Variants in FBXL17 observed in about 807,000 individuals in gnomAD.
FBXL17 encodes the protein F-box/LRR-repeat protein 17.
Under a neutral mutation model 66.2 loss-of-function variants are expected in FBXL17, and 22 were observed. The ratio of observed to expected loss-of-function variants is 0.33; its 90% confidence interval spans 0.24 to 0.47. FBXL17 has a LOEUF of 0.47. Among genes scored for constraint, FBXL17 ranks in the 20% least tolerant of loss-of-function variants. FBXL17 has a pLI of 1.00. For synonymous variants in FBXL17, 474 were observed against 400.5 expected, an observed-to-expected ratio of 1.18 and a Z score of -2.19; for missense variants, 878 against 948.2, an observed-to-expected ratio of 0.93 and a Z score of 0.97.
At chr5:108,198,162 G>T (rs1274389183) in intron 5 of FBXL17, among the ~76,000 whole-genome samples, 1 of 152,060 alleles carries the variant, frequency 6.6e-6, no homozygotes, top group Non-Finnish European at 1.5e-5. Flanking sequence ...TGTAGAAGAG[G>T]TTTACTGCAT....
At chr5:107,966,014 C>T (rs1752124739) in intron 7 of FBXL17, among the ~76,000 whole-genome samples, 2 of 152,022 alleles carry the variant, frequency 1.3e-5, no homozygotes, top group Non-Finnish European at 2.9e-5. Context: ...AGAATGGGCT[C>T]TTAGAAATTT....
chr5:108,181,977 C>T (rs989651612), intron 6 of FBXL17, among the ~76,000 whole-genome samples: 1 of 152,062 alleles, frequency 6.6e-6, no homozygotes, highest in Admixed American at 6.6e-5. Context: ...AATAGTATGA[C>T]CTTCCCCTGA....
intron 6 of FBXL17, among the ~76,000 whole-genome samples, chr5:108,102,702 A>G (rs982489065): frequency 6.6e-6 from 1 of 151,534 alleles, no homozygotes; most frequent in Non-Finnish European, 1.5e-5. Flanking sequence ...GTGTAGATAT[A>G]CAGTACAAAA....
chr5:107,945,144 A>G (rs180761175), intron 7 of FBXL17, among the ~76,000 whole-genome samples: 2 of 152,280 alleles, frequency 1.3e-5, no homozygotes, highest in African/African-American at 4.8e-5. Context: ...TGAAGATTCA[A>G]TACACATACC....
intron 6 of FBXL17, among the ~76,000 whole-genome samples, chr5:108,171,983 C>T (rs1200590206): frequency 1.3e-5 from 2 of 152,180 alleles, no homozygotes; most frequent in Non-Finnish European, 2.9e-5. Context: ...ACGTGACTTG[C>T]TCCTCCTTGC....
chr5:108,035,122 T>C (rs564879702), intron 6 of FBXL17, among the ~76,000 whole-genome samples: 1 of 152,312 alleles, frequency 6.6e-6, no homozygotes, highest in East Asian at 1.9e-4. Context: ...GTTATGTACC[T>C]TTATAGTTAT....
Position 107,865,084 on chromosome 5 carries a change from G to A in FBXL17, c.1966-3224C>T, listed in dbSNP as rs114989761. Among the ~76,000 whole-genome samples the A allele has an allele frequency of 5.7e-3, 865 of 152,230 alleles. 3 individuals carry two copies. Among genetic ancestry groups the A allele is most frequent in the Non-Finnish European group, 9.5e-3 (648 of 68,006 alleles). On this transcript the variant is annotated intron_variant, in intron 8 of 8. Transcript: ENST00000542267. Reference sequence around the variant, plus strand: ...TAGTCCAAGCCACTTGGCATTCAAGGAAGTACTAACTAAAAATAAATGAGA... The same window carrying A: ...TAGTCCAAGCCACTTGGCATTCAAGAAAGTACTAACTAAAAATAAATGAGA...
chr5:108,007,620 T>G (rs1753982231), intron 7 of FBXL17, among the ~76,000 whole-genome samples: 1 of 148,108 alleles, frequency 6.8e-6, no homozygotes, highest in Non-Finnish European at 1.5e-5. Flanking sequence ...CTTGGGAAAT[T>G]ATAGTAGGTT....
chr5:107,976,873 G>A (rs1752599186), intron 7 of FBXL17, among the ~76,000 whole-genome samples: 1 of 152,140 alleles, frequency 6.6e-6, no homozygotes, highest in African/African-American at 2.4e-5. Context: ...CAGGAGTTGA[G>A]GGAGAATTAT....
chr5:108,160,121 T>G (rs1752151237), intron 6 of FBXL17, among the ~76,000 whole-genome samples: 3 of 152,206 alleles, frequency 2.0e-5, no homozygotes, highest in Non-Finnish European at 4.4e-5. Context: ...TGTACTCACG[T>G]TGGCCAGGTT....
intron 7 of FBXL17, among the ~76,000 whole-genome samples, chr5:108,018,414 A>C (rs1288544475): frequency 2.0e-5 from 3 of 152,140 alleles, no homozygotes; most frequent in Non-Finnish European, 4.4e-5. Flanking sequence ...TACAATGAAT[A>C]ATCTTTTTGC....
intron 6 of FBXL17, among the ~76,000 whole-genome samples, chr5:108,022,799 C>G (rs1391516058): frequency 2.0e-5 from 3 of 152,062 alleles, no homozygotes; most frequent in Admixed American, 6.6e-5. Flanking sequence ...CTTCACTGTA[C>G]AAGCCAAGTC....
chr5:107,919,891 T>G (rs1326593580), intron 7 of FBXL17, among the ~76,000 whole-genome samples: 1 of 152,140 alleles, frequency 6.6e-6, no homozygotes, highest in Non-Finnish European at 1.5e-5. Context: ...GGGCAAGAAT[T>G]TTTGCTTTTC....
chr5:107,878,892 A>G (rs1748694574), intron 8 of FBXL17: 1 of 985,404 alleles, frequency 1.0e-6, no homozygotes, highest in Admixed American at 6.1e-5. Flanking sequence ...GGCTCTGACC[A>G]GACGGCGTCG....
At chr5:108,141,370 G>A (rs1167676399) in intron 6 of FBXL17, among the ~76,000 whole-genome samples, 1 of 152,042 alleles carries the variant, frequency 6.6e-6, no homozygotes, top group East Asian at 1.9e-4. Context: ...TTGTCAAAAT[G>A]ACTGCTATTG....
intron 7 of FBXL17, among the ~76,000 whole-genome samples, chr5:107,915,377 T>G (rs1750092085): frequency 6.6e-6 from 1 of 152,202 alleles, no homozygotes; most frequent in African/African-American, 2.4e-5. Flanking sequence ...GAACCGTAGT[T>G]AATATGTCTT....
chr5:108,299,276 T>C (rs1333692480), intron 4 of FBXL17: 1 of 985,046 alleles, frequency 1.0e-6, no homozygotes, highest in Non-Finnish European at 1.2e-6. Context: ...GATCCCTCTC[T>C]TCTATTTCCA....
intron 7 of FBXL17, among the ~76,000 whole-genome samples, chr5:107,928,800 C>G (rs1351226885): frequency 6.6e-6 from 1 of 152,146 alleles, no homozygotes; most frequent in African/African-American, 2.4e-5. Context: ...CCTACAATTA[C>G]ACAATTATCA....
At chr5:108,365,053 A>AT (rs1365975735) in intron 2 of FBXL17, 58 bp from the exon 3 acceptor site, 1 of 1,258,720 alleles carries the variant, frequency 7.9e-7, no homozygotes, top group African/African-American at 1.5e-5. Flanking sequence ...CGTATTTTCC[A>AT]TTTTTTAATT....
Sources: gnomAD v4.1 joint callset for allele counts (sites outside exome capture counted in the v4.1 genomes callset) on GRCh38, gnomAD v4.1.1 for gene constraint, MANE v1.5 for transcripts, NCBI Gene and HGNC (gene_info 2026-07-23, HGNC 2026-07-21) for gene names.